Variants in HAPLN1 observed in about 807,000 individuals in gnomAD.
HAPLN1 encodes the protein Cartilage link protein.
HAPLN1 carries 13 observed loss-of-function variants against 36.5 expected under a neutral mutation model. The ratio of observed to expected loss-of-function variants is 0.36; its 90% confidence interval spans 0.23 to 0.57. The LOEUF is 0.57. Ranked by LOEUF, HAPLN1 falls within the 20% of genes least tolerant of loss-of-function variation. The pLI is 0.83. For missense variants in HAPLN1, 407 were observed against 439.7 expected, an observed-to-expected ratio of 0.93 and a Z score of 0.66; for synonymous variants, 202 against 169.8, an observed-to-expected ratio of 1.19 and a Z score of -1.48.
chr5:83,679,255 T>A (rs1750938641), intron 1 of HAPLN1, among the ~76,000 whole-genome samples: 1 of 152,182 alleles, frequency 6.6e-6, no homozygotes, highest in Admixed American at 6.6e-5. Context: ...TACAATTTAC[T>A]TGTGGCTTCT....
At chr5:83,675,115 T>C (rs1268951539) in intron 1 of HAPLN1, among the ~76,000 whole-genome samples, 1 of 152,196 alleles carries the variant, frequency 6.6e-6, no homozygotes, top group East Asian at 1.9e-4. Flanking sequence ...TTGTTGTTGT[T>C]GTTGGTTGTT....
At chr5:83,668,129 GT>G (rs1242920659) in intron 2 of HAPLN1, among the ~76,000 whole-genome samples, 1 of 152,284 alleles carries the variant, frequency 6.6e-6, no homozygotes, top group African/African-American at 2.4e-5. Flanking sequence ...CAGTTGTTGG[GT>G]TTATGTGACT....
intron 2 of HAPLN1, among the ~76,000 whole-genome samples, chr5:83,665,926 G>A (rs530033824): frequency 2.0e-5 from 3 of 152,274 alleles, no homozygotes; most frequent in Non-Finnish European, 2.9e-5. Context: ...CTGACTACTT[G>A]ATAATCATTC....
At chr5:83,679,905 G>A (rs1206737280) in intron 1 of HAPLN1, among the ~76,000 whole-genome samples, 7 of 152,134 alleles carry the variant, frequency 4.6e-5, no homozygotes, top group Non-Finnish European at 1.0e-4. Context: ...ATGATTTAAT[G>A]TTTTCTTACT....
chr5:83,706,604 A>G (rs1751659081), intron 1 of HAPLN1, among the ~76,000 whole-genome samples: 1 of 152,232 alleles, frequency 6.6e-6, no homozygotes, highest in African/African-American at 2.4e-5. Context: ...ACCATCTATA[A>G]CAAACCCACA....
At chr5:83,696,103 A>C (rs1751384320) in intron 1 of HAPLN1, among the ~76,000 whole-genome samples, 1 of 152,206 alleles carries the variant, frequency 6.6e-6, no homozygotes, top group Non-Finnish European at 1.5e-5. Context: ...ATGTGCAAAC[A>C]TCATTATATT....
chr5:83,679,404 C>T (rs754493605), intron 1 of HAPLN1, among the ~76,000 whole-genome samples: 2 of 152,098 alleles, frequency 1.3e-5, no homozygotes, highest in Non-Finnish European at 2.9e-5. Context: ...TTTTTCTCCT[C>T]GATGTTTTGA....
chr5:83,678,142 A>T (rs1750902479), intron 1 of HAPLN1, among the ~76,000 whole-genome samples: 1 of 151,568 alleles, frequency 6.6e-6, no homozygotes, highest in Admixed American at 6.6e-5. Flanking sequence ...GAGACTTCCC[A>T]ATTCTTGGAA....
intron 1 of HAPLN1, among the ~76,000 whole-genome samples, chr5:83,691,042 A>T (rs1362379441): frequency 6.6e-6 from 1 of 152,086 alleles, no homozygotes; most frequent in Non-Finnish European, 1.5e-5. Flanking sequence ...ATACAGAAAA[A>T]ACCAGACACT....
chr5:83,686,626 A>G (rs1194986827), intron 1 of HAPLN1, among the ~76,000 whole-genome samples: 1 of 152,172 alleles, frequency 6.6e-6, no homozygotes, highest in Non-Finnish European at 1.5e-5. Context: ...GCTGACTAAA[A>G]TTGTAATACA....
Position 83,638,897 on chromosome 5 carries a change from G to A in HAPLN1, c.*2599C>T, listed in dbSNP as rs543290544. ...TCCAATGTAGATGTCTCAGTGAAAT[G>A]TGCAGATATACTTTGTTCCTTATAT... is the stretch of plus-strand genomic sequence containing the variant. On this transcript the variant is annotated 3_prime_UTR_variant, in exon 5 of 5. Transcript: ENST00000274341. The A allele has an allele frequency of 6.6e-6, 1 of 152,064 alleles. No individual in the cohort carries two copies. Among genetic ancestry groups the A allele is most frequent in the East Asian group, 1.9e-4 (1 of 5,180 alleles). 9.4% of individuals were successfully genotyped at this position (152,064 alleles called of 1,614,324 possible).
intron 2 of HAPLN1, among the ~76,000 whole-genome samples, chr5:83,672,629 C>T (rs1389911424): frequency 6.6e-6 from 1 of 152,174 alleles, no homozygotes; most frequent in Non-Finnish European, 1.5e-5. Flanking sequence ...GAAGATGTAA[C>T]TTAGAGTTTT....
intron 1 of HAPLN1, among the ~76,000 whole-genome samples, chr5:83,697,250 A>G (rs1290405952): frequency 6.6e-6 from 1 of 152,158 alleles, no homozygotes; most frequent in African/African-American, 2.4e-5. Context: ...AGGCAAATTC[A>G]TAGAGACAGA....
At chr5:83,663,059 G>A (rs930615681) in intron 2 of HAPLN1, among the ~76,000 whole-genome samples, 1 of 152,178 alleles carries the variant, frequency 6.6e-6, no homozygotes. Flanking sequence ...ATGCCCAGGT[G>A]GGCAAGGCTG....
chr5:83,643,741 A>C (rs1749772161), intron 4 of HAPLN1, among the ~76,000 whole-genome samples: 1 of 152,160 alleles, frequency 6.6e-6, no homozygotes, highest in Admixed American at 6.5e-5. Flanking sequence ...CGTGAGCCAC[A>C]GCACCCAGCC....
intron 1 of HAPLN1, among the ~76,000 whole-genome samples, chr5:83,713,848 G>A (rs1373459624): frequency 6.6e-6 from 1 of 152,142 alleles, no homozygotes; most frequent in Non-Finnish European, 1.5e-5. Context: ...GATGACCTCT[G>A]AATGGGTTTT....
chr5:83,682,367 G>C (rs1751025437), intron 1 of HAPLN1: 1 of 152,132 alleles, frequency 6.6e-6, no homozygotes, highest in African/African-American at 2.4e-5. Flanking sequence ...GGCATAGGAA[G>C]ATTTTTAAAT....
chr5:83,685,417 C>T (rs1454792763), intron 1 of HAPLN1, among the ~76,000 whole-genome samples: 1 of 152,146 alleles, frequency 6.6e-6, no homozygotes, highest in Admixed American at 6.6e-5. Flanking sequence ...TTGTTCAGTA[C>T]ACAACCTGTA....
intron 1 of HAPLN1, among the ~76,000 whole-genome samples, chr5:83,681,627 C>T (rs141261185): frequency 4.6e-5 from 7 of 152,150 alleles, no homozygotes; most frequent in African/African-American, 1.7e-4. Context: ...TCTTCCACCT[C>T]GGCTCGCCAA....
Sources: gnomAD v4.1 joint callset for allele counts (sites outside exome capture counted in the v4.1 genomes callset) on GRCh38, gnomAD v4.1.1 for gene constraint, MANE v1.5 for transcripts, NCBI Gene and HGNC (gene_info 2026-07-23, HGNC 2026-07-21) for gene names.